Variants in ENPP2 observed in about 807,000 individuals in gnomAD.
ENPP2 encodes the protein autotaxin.
Under a neutral mutation model 120.2 loss-of-function variants are expected in ENPP2, and 51 were observed. That is an observed-to-expected ratio of 0.42 (90% CI 0.34 to 0.54). The LOEUF (loss-of-function observed/expected upper bound fraction) is 0.54, where lower values mean the gene tolerates loss of function less well. Among genes scored for constraint, ENPP2 ranks in the 20% least tolerant of loss-of-function variants. ENPP2 has a pLI of 0.04. For synonymous variants in ENPP2, 365 were observed against 366.4 expected, an observed-to-expected ratio of 1.00 and a Z score of 0.04; for missense variants, 920 against 1,066.5, an observed-to-expected ratio of 0.86 and a Z score of 1.91.
chr8:119,626,051 T>A (rs113489725), intron 3 of ENPP2, among the ~76,000 whole-genome samples: 9,808 of 151,874 alleles, frequency 0.065, 413 homozygotes, highest in Middle Eastern at 0.15. Flanking sequence ...AGAAAAAAAA[T>A]TTTTTTAAAG....
intron 11 of ENPP2, among the ~76,000 whole-genome samples, chr8:119,600,119 T>C (rs1215676886): frequency 6.6e-6 from 1 of 152,166 alleles, no homozygotes; most frequent in Non-Finnish European, 1.5e-5. Context: ...TGTTCATATC[T>C]TGAATGTGGT....
chr8:119,645,674 G>T (rs1222756590), intron 1 of ENPP2, among the ~76,000 whole-genome samples: 1 of 151,950 alleles, frequency 6.6e-6, no homozygotes, highest in Non-Finnish European at 1.5e-5. Context: ...AATTAGGCGG[G>T]CGTGGTGGCA....
chr8:119,569,101 C>T lies in ENPP2; in HGVS notation c.2053+134G>A, dbSNP rs927455080. The T allele has an allele frequency of 2.4e-5, 19 of 803,744 alleles. No individual in the cohort carries two copies. The African/African-American group carries it at 2.9e-4, about 12-fold the overall frequency. The allele number at this position is 803,744 out of a possible 1,614,324, so 49.8% of individuals were successfully genotyped here. ...CTTTTTGGCTGATTTTGGAAGGATC[C>T]CATAAAAATTCATTTAGATAATCTT... On this transcript the variant is annotated intron_variant, in intron 21 of 24. Transcript: ENST00000075322.
At chr8:119,592,225 C>T (rs1382405522) in intron 12 of ENPP2, among the ~76,000 whole-genome samples, 1 of 152,124 alleles carries the variant, frequency 6.6e-6, no homozygotes, top group East Asian at 1.9e-4. Flanking sequence ...AGGTGCTGTA[C>T]ACTTTGGGAG....
chr8:119,666,518 C>CA (rs1234610411), intron 1 of ENPP2, among the ~76,000 whole-genome samples: 1 of 152,160 alleles, frequency 6.6e-6, no homozygotes. Context: ...TGATGGCTCA[C>CA]ACCTGTTATC....
chr8:119,622,538 C>T (rs1467060581), intron 3 of ENPP2, among the ~76,000 whole-genome samples: 1 of 152,170 alleles, frequency 6.6e-6, no homozygotes, highest in Non-Finnish European at 1.5e-5. Flanking sequence ...AAAAGGAGTG[C>T]TGTGTTTTTT....
chr8:119,663,126 A>C (rs1215948365), intron 1 of ENPP2, among the ~76,000 whole-genome samples: 1 of 151,348 alleles, frequency 6.6e-6, no homozygotes, highest in African/African-American at 2.4e-5. Flanking sequence ...TCTCAAAAAA[A>C]AAAAAAAAAA....
chr8:119,621,663 C>T (rs1265286621), intron 3 of ENPP2, 144 bp from the exon 4 acceptor site: 1 of 775,510 alleles, frequency 1.3e-6, no homozygotes, highest in East Asian at 2.7e-5. Flanking sequence ...GCTTGAGGCC[C>T]AGAGGACATT....
At chr8:119,623,000 G>A (rs1318656808) in intron 3 of ENPP2, among the ~76,000 whole-genome samples, 2 of 151,990 alleles carry the variant, frequency 1.3e-5, no homozygotes, top group Non-Finnish European at 2.9e-5. Flanking sequence ...TGCTACTCCA[G>A]GAAGTAGAAT....
chr8:119,610,012 T>C (rs972548423), intron 8 of ENPP2, among the ~76,000 whole-genome samples: 2 of 152,188 alleles, frequency 1.3e-5, no homozygotes, highest in African/African-American at 4.8e-5. Context: ...AAAAGATCAC[T>C]GGAAGAGGTC....
Position 119,557,572 on chromosome 8 carries a change from TG to T in ENPP2, c.2540del (p.Pro847GlnfsTer4), listed in dbSNP as rs1359022074. ...GGTATGTCTTGAGTGTCAGGATTTC[TG>T]GGTAGCTGCGGCTGGTCTTTCGGAA... ...DFFRKTSRSY[P>X]EILTLKTYLH... On this transcript the variant is annotated frameshift_variant, in exon 25 of 25. Coordinates refer to ENST00000075322, the MANE Select transcript of ENPP2 (RefSeq NM_001040092.3). LOFTEE classifies it high-confidence loss of function. 4 of 1,613,314 alleles carry T rather than the reference TG, an allele frequency of 2.5e-6. No homozygotes were observed. Among genetic ancestry groups the T allele is most frequent in the Non-Finnish European group, 3.4e-6 (4 of 1,180,002 alleles).
chr8:119,621,527 C>A lies in ENPP2; in HGVS notation c.293-8G>T, dbSNP rs768961860. 2 of 1,612,372 alleles carry A rather than the reference C, an allele frequency of 1.2e-6. No homozygotes were observed. The highest frequency in any genetic ancestry group is 1.1e-5 in the South Asian group (1 of 90,940). On this transcript the variant is annotated splice_region_variant and splice_polypyrimidine_tract_variant and intron_variant, in intron 3 of 24. Transcript: ENST00000075322. Reference sequence around the variant, plus strand: ...TACACTCCCAGCCACGGGCTAAAATCATCCCAATAAAACATTTTCACTGCT... The same window carrying A: ...TACACTCCCAGCCACGGGCTAAAATAATCCCAATAAAACATTTTCACTGCT...
At chr8:119,599,309 T>A (rs918590112) in intron 11 of ENPP2, among the ~76,000 whole-genome samples, 1 of 152,208 alleles carries the variant, frequency 6.6e-6, no homozygotes, top group African/African-American at 2.4e-5. Flanking sequence ...TCTGAATTGA[T>A]GTCAAAGCAT....
rs143308967 is a variant in ENPP2, at chr8:119,671,282, C to T, written c.21+1970G>A. On this transcript the variant is annotated intron_variant, in intron 1 of 25. Transcript: ENST00000427067. ...CGCCACTGCACTCCAGTCTGGGCAA[C>T]AGAGCAAGACTACATCTCAAAAAAA... 8.0e-3 allele frequency among the ~76,000 whole-genome samples: 1,209 copies of T among 152,050 alleles called. 19 individuals are homozygous for T. The highest frequency in any genetic ancestry group is 0.028 in the African/African-American group (1,140 of 41,442).
chr8:119,597,848 T>C (rs1278194201), intron 11 of ENPP2, among the ~76,000 whole-genome samples: 5 of 152,334 alleles, frequency 3.3e-5, no homozygotes, highest in African/African-American at 4.8e-5. Flanking sequence ...AGAATCATTC[T>C]GAAAAAATGT....
Position 119,573,408 on chromosome 8 carries a change from T to TAAAAAAAAAAAAAAAAAA in ENPP2, c.1781-2585_1781-2568dup, listed in dbSNP as rs35227070. 6.7e-4 allele frequency among the ~76,000 whole-genome samples: 83 copies of TAAAAAAAAAAAAAAAAAA among 124,348 alleles called. 1 individual carries two copies. The highest frequency in any genetic ancestry group is 1.1e-3 in the Non-Finnish European group (68 of 61,620). The allele number at this position is 124,348 out of a possible 152,430, so 81.6% of individuals were successfully genotyped here. On this transcript the variant is annotated intron_variant, in intron 19 of 24. Transcript: ENST00000075322. ...GGTGACAGAGCGAGGCTCCGTCTCT[T>TAAAAAAAAAAAAAAAAAA]AAAAAAAAAAAAAAAAAAGATTCAT...
chr8:119,611,954 G>T (rs1260603679), intron 8 of ENPP2, among the ~76,000 whole-genome samples: 1 of 152,162 alleles, frequency 6.6e-6, no homozygotes, highest in African/African-American at 2.4e-5. Flanking sequence ...ACTTGAACCC[G>T]GGAGGCGGAG....
chr8:119,584,964 G>A (rs965669), intron 15 of ENPP2, among the ~76,000 whole-genome samples: 5,979 of 152,256 alleles, frequency 0.039, 139 homozygotes, highest in Non-Finnish European at 0.048. Context: ...AATGCAAGAT[G>A]AGTTAAATTT....
chr8:119,650,197 A>C (rs1344762668), intron 1 of ENPP2, among the ~76,000 whole-genome samples: 2 of 152,186 alleles, frequency 1.3e-5, no homozygotes, highest in African/African-American at 4.8e-5. Context: ...AGCATCACAA[A>C]CCTTGAAAAC....
Sources: gnomAD v4.1 joint callset for allele counts (sites outside exome capture counted in the v4.1 genomes callset) on GRCh38, gnomAD v4.1.1 for gene constraint, MANE v1.5 for transcripts, NCBI Gene and HGNC (gene_info 2026-07-23, HGNC 2026-07-21) for gene names.